BMX: variants seen among roughly 807,000 people sequenced by gnomAD.
BMX encodes the protein cytoplasmic tyrosine-protein kinase BMX.
Under a neutral mutation model 59.2 loss-of-function variants are expected in BMX, and 31 were observed. That is an observed-to-expected ratio of 0.52 (90% CI 0.39 to 0.71). The LOEUF (loss-of-function observed/expected upper bound fraction) is 0.71. Ranked by LOEUF, BMX falls within the 30% of genes least tolerant of loss-of-function variation. The pLI is 0.00. For missense variants in BMX, 474 were observed against 491.7 expected, an observed-to-expected ratio of 0.96 and a Z score of 0.34; for synonymous variants, 185 against 181.0, an observed-to-expected ratio of 1.02 and a Z score of -0.18.
intron 9 of BMX, among the ~76,000 whole-genome samples, chrX:15,526,584 ATTTTTT>A (rs750402294): frequency 1.1e-5 from 1 of 91,713 alleles, no homozygotes. Flanking sequence ...TGACCTTGTC[ATTTTTT>A]TTTTTTTTTT....
At chrX:15,543,945 T>C (rs1263359380) in intron 16 of BMX, among the ~76,000 whole-genome samples, 3 of 112,048 alleles carry the variant, frequency 2.7e-5, no homozygotes, top group Non-Finnish European at 5.6e-5. Context: ...TCAACATTTA[T>C]TGAGTGCCTA....
At chrX:15,543,215 TG>T in intron 16 of BMX, 80 bp downstream of exon 16, 1 of 983,769 alleles carries the variant, frequency 1.0e-6, no homozygotes. Flanking sequence ...GAAGGCTTTG[TG>T]GGGATATAGA....
chrX:15,527,301 C>CAT (rs1924838151), intron 9 of BMX, among the ~76,000 whole-genome samples: 20 of 91,175 alleles, frequency 2.2e-4, no homozygotes, highest in African/African-American at 4.3e-4. Context: ...CACACACACA[C>CAT]ATATATATAT....
chrX:15,525,497 T>C, intron 8 of BMX, 132 bp downstream of exon 8: 1 of 622,154 alleles, frequency 1.6e-6, no homozygotes, highest in Non-Finnish European at 2.5e-6. Flanking sequence ...TCTATGTAGT[T>C]TGCCTCTCTG....
chrX:15,556,116 T>C lies in BMX; in HGVS notation c.1997T>C (p.Ile666Thr), dbSNP rs767957587. Residue 666 changes from isoleucine to threonine, a missense_variant, in exon 19 of 19, where the codon ATT (isoleucine) becomes ACT (threonine). By Grantham distance (89) the Ile-to-Thr change is moderately conservative (BLOSUM62 -1). Coordinates refer to ENST00000348343, the MANE Select transcript of BMX (RefSeq NM_203281.3). ...RPTFQQLLSSIEPLREKDKH is the reference protein window; with the variant it reads ...RPTFQQLLSSTEPLREKDKH ...ACATTTCAGCAACTCCTGTCTTCCA[T>C]TGAACCACTTCGGGAAAAAGACAAG... 9.1e-6 allele frequency: 11 copies of C among 1,205,512 alleles called. No homozygotes were observed. Among genetic ancestry groups the C allele is most frequent in the Admixed American group, 2.2e-5 (1 of 45,142 alleles).
At chrX:15,530,154 C>T (rs769627017) in intron 10 of BMX, 127 bp downstream of exon 10, 8 of 651,962 alleles carry the variant, frequency 1.2e-5, no homozygotes, top group Non-Finnish European at 1.9e-5. Context: ...TGTTGCTTGT[C>T]CAGTCTGTGG....
Position 15,542,051 on chromosome X carries a change from G to T in BMX, c.1464G>T (p.Val488=), listed in dbSNP as rs759160657. The T allele has an allele frequency of 8.3e-7, 1 of 1,211,135 alleles. No individual in the cohort carries two copies. The highest frequency in any genetic ancestry group is 1.1e-6 in the Non-Finnish European group (1 of 895,155). ...VCSKEYPIYI[V]TEYISNGCLL... The stretch of plus-strand genomic sequence containing the variant: ...CAAAGGAATACCCCATATACATAGT[G>T]ACTGAATATATAAGCAATGGCTGCT... The change falls in exon 15 of 19, where the codon GTG becomes GTT. Residue 488 remains valine, a synonymous_variant. Coordinates refer to ENST00000348343, the MANE Select transcript of BMX (RefSeq NM_203281.3).
At chrX:15,534,717 A>G (rs1925253590) in intron 12 of BMX, among the ~76,000 whole-genome samples, 1 of 111,289 alleles carries the variant, frequency 9.0e-6, no homozygotes, top group Admixed American at 9.6e-5. Context: ...GCATGCTGCC[A>G]CTAGCACTTA....
In BMX at chrX:15,539,445, G is replaced by T. The variant is rs760198182; in HGVS notation, c.1394+2140G>T. ...TGGGCAGTGACTGAATTTGTTCAAA[G>T]AATATTTCTTTATTGGGTGATGGAC... On this transcript the variant is annotated intron_variant, in intron 14 of 18. Coordinates refer to ENST00000348343, the MANE Select transcript of BMX (RefSeq NM_203281.3). 1.0e-3 allele frequency among the ~76,000 whole-genome samples: 115 copies of T among 110,974 alleles called. 1 individual carries two copies. The highest frequency in any genetic ancestry group is 2.0e-3 in the Non-Finnish European group (107 of 52,899).
intron 4 of BMX, among the ~76,000 whole-genome samples, chrX:15,513,019 C>G (rs1484729544): frequency 1.8e-5 from 2 of 112,092 alleles, no homozygotes; most frequent in Non-Finnish European, 3.8e-5. Flanking sequence ...TGCAGAGAGT[C>G]CCCATCACTA....
intron 17 of BMX, among the ~76,000 whole-genome samples, chrX:15,548,566 C>A (rs1926053831): frequency 8.9e-6 from 1 of 111,878 alleles, no homozygotes; most frequent in Non-Finnish European, 1.9e-5. Flanking sequence ...AATAGTATTA[C>A]CCAGCTTGAT....
At chrX:15,551,545 T>A (rs73635824) in intron 18 of BMX, among the ~76,000 whole-genome samples, 6,185 of 32,826 alleles carry the variant, frequency 0.19, 459 homozygotes, top group African/African-American at 0.38. Flanking sequence ...ATATATATAT[T>A]TTTTTTTTTT....
chrX:15,537,299 C>G lies in BMX; in HGVS notation c.1388C>G (p.Thr463Ser). ...SEDEFFQEAQ[T>S]MMKLSHPKLV... is the part of the protein sequence containing the mutation. ...GATGAATTCTTTCAGGAGGCCCAGACTATGATGTAAGTTTTTCCCAAGGAA... is the reference window on the plus strand; with the variant it reads ...GATGAATTCTTTCAGGAGGCCCAGAGTATGATGTAAGTTTTTCCCAAGGAA... Residue 463 changes from threonine (T) to serine (S), a missense_variant, in exon 14 of 19, where the codon ACT becomes AGT. Physicochemically the swap from Thr to Ser is moderately conservative, Grantham distance 58. Transcript: ENST00000348343. The G allele has an allele frequency of 8.3e-7, 1 of 1,210,309 alleles. No individual in the cohort carries two copies. Among genetic ancestry groups the G allele is most frequent in the Non-Finnish European group, 1.1e-6 (1 of 894,941 alleles).
intron 18 of BMX, among the ~76,000 whole-genome samples, chrX:15,555,056 T>A (rs988972024): frequency 9.0e-6 from 1 of 111,398 alleles, no homozygotes; most frequent in Non-Finnish European, 1.9e-5. Context: ...ACATATTTTT[T>A]AATTCTATAA....
chrX:15,541,933 T>G (rs1458144243), intron 14 of BMX, 49 bp from the exon 15 acceptor site: 2 of 1,092,358 alleles, frequency 1.8e-6, no homozygotes, highest in Admixed American at 2.2e-5. Context: ...TCAGTACATG[T>G]AGAAAATGGA....
At position 15,516,138 on chromosome X, in the gene BMX, G is replaced by C. The variant is rs377713371; in HGVS notation, c.352G>C (p.Val118Leu). ...KEIRGNPHLL[V>L]KYHSGFFVDG... ...GATAAGGGGTAACCCCCACCTGCTG[G>C]TCAAGTACCATAGTGGGTTCTTCGT... Residue 118 changes from valine (V) to leucine (L), a missense_variant, in exon 5 of 19, where the codon GTC becomes CTC. Coordinates refer to ENST00000348343, the MANE Select transcript of BMX (RefSeq NM_203281.3). 1.7e-6 allele frequency: 2 copies of C among 1,209,817 alleles called. No homozygotes were observed. The highest frequency in any genetic ancestry group is 3.5e-5 in the African/African-American group (2 of 57,365).
Position 15,522,533 on chromosome X carries a change from A to T in BMX, c.698A>T (p.Gln233Leu), listed in dbSNP as rs1452700357. 1 of 1,212,151 alleles carries T rather than the reference A, an allele frequency of 8.2e-7. No homozygotes were observed. Among genetic ancestry groups the T allele is most frequent in the Non-Finnish European group, 1.1e-6 (1 of 895,485 alleles). Residue 233 changes from glutamine (Q) to leucine (L), a missense_variant, in exon 7 of 19, where the codon CAG (glutamine) becomes CTG (leucine). By Grantham distance (113) the Gln-to-Leu change is moderately radical. Coordinates refer to ENST00000348343, the MANE Select transcript of BMX (RefSeq NM_203281.3). ...IYGSQPNFNM[Q>L]YIPREDFPDW... ...GGCTCCCAGCCAAACTTCAACATGCAGTATATTCCAAGGGAAGACTTCCCT... is the reference window on the plus strand; with the variant it reads ...GGCTCCCAGCCAAACTTCAACATGCTGTATATTCCAAGGGAAGACTTCCCT...
chrX:15,528,667 C>CA (rs1235564616), intron 9 of BMX, among the ~76,000 whole-genome samples: 1 of 107,679 alleles, frequency 9.3e-6, no homozygotes, highest in African/African-American at 3.6e-5. Flanking sequence ...AAAAACAAAA[C>CA]AAACAAAAAA....
At chrX:15,511,249 G>A (rs757399383) in intron 3 of BMX, among the ~76,000 whole-genome samples, 188 bp from the exon 4 acceptor site, 10 of 112,088 alleles carry the variant, frequency 8.9e-5, no homozygotes, top group Non-Finnish European at 1.9e-4. Context: ...AAGTATAGGA[G>A]TGTCTGGGAT....
Sources: gnomAD v4.1 joint callset for allele counts (sites outside exome capture counted in the v4.1 genomes callset) on GRCh38, gnomAD v4.1.1 for gene constraint, MANE v1.5 for transcripts, NCBI Gene and HGNC (gene_info 2026-07-23, HGNC 2026-07-21) for gene names.